The following NRXN3 variants were observed in gnomAD, a reference collection of about 807,000 sequenced individuals.
NRXN3 encodes neurexin III.
Under a neutral mutation model 137.6 loss-of-function variants are expected in NRXN3, and 32 were observed. The ratio of observed to expected loss-of-function variants is 0.23; its 90% confidence interval spans 0.18 to 0.31. NRXN3 has a LOEUF of 0.31. Ranked by LOEUF, NRXN3 falls within the 10% of genes least tolerant of loss-of-function variation. NRXN3 has a pLI of 1.00. For synonymous variants in NRXN3, 798 were observed against 784.5 expected, an observed-to-expected ratio of 1.02 and a Z score of -0.29; for missense variants, 1,574 against 2,062.5, an observed-to-expected ratio of 0.76 and a Z score of 4.59.
At chr14:79,231,405 C>T (rs2153276317) in intron 15 of NRXN3, among the ~76,000 whole-genome samples, 1 of 152,300 alleles carries the variant, frequency 6.6e-6, no homozygotes, top group South Asian at 2.1e-4. Context: ...ATGAGTGGCA[C>T]AGATGAGCAA....
intron 10 of NRXN3, among the ~76,000 whole-genome samples, chr14:78,932,072 G>A (rs1317651749): frequency 1.3e-5 from 2 of 152,110 alleles, no homozygotes; most frequent in Non-Finnish European, 2.9e-5. Context: ...CCCGGGAGAT[G>A]GAGGTTGCAG....
rs869216055 is a variant in NRXN3 at position 79,740,712 on chromosome 14, TTATATATATATATATATATATATA to T, written c.4014+42808_4014+42831del. On this transcript the variant is annotated intron_variant, in intron 19 of 20. Transcript: ENST00000335750. ...TCCACTGGACTTTGCATTTAGTTTT[TTATATATATATATATATATATATA>T]TATATATATATATATATATATATAT... Among the ~76,000 whole-genome samples the T allele has an allele frequency of 2.2e-3, 35 of 16,150 alleles. 1 individual carries two copies. The East Asian group carries it at 0.025, about 12-fold the overall frequency. 10.6% of individuals were successfully genotyped at this position (16,150 alleles called of 152,430 possible).
rs1281687086 is a variant in NRXN3 at position 79,867,766 on chromosome 14, G to A, written c.*5802G>A. 2 of 152,160 alleles carry A rather than the reference G, an allele frequency of 1.3e-5. No homozygotes were observed. Among genetic ancestry groups the A allele is most frequent in the African/African-American group, 4.8e-5 (2 of 41,404 alleles). The allele number at this position is 152,160 out of a possible 1,614,324, so 9.4% of individuals were successfully genotyped here. A position where few individuals can be genotyped will look rare whatever the true frequency, so the allele number is the denominator to read the frequency against. On this transcript the variant is annotated 3_prime_UTR_variant, in exon 21 of 21. Transcript: ENST00000335750. ...TTTTTGAAGTGGTTACATGGCCCAA[G>A]TAGAAGAGCAAATAATTCCAAGAGA...
At chr14:79,768,499 C>A (rs1309219250) in intron 19 of NRXN3, among the ~76,000 whole-genome samples, 1 of 152,168 alleles carries the variant, frequency 6.6e-6, no homozygotes, top group African/African-American at 2.4e-5. Flanking sequence ...GGAGGCACCC[C>A]CCAGCAGGGG....
At chr14:79,143,554 A>G (rs2059015215) in intron 15 of NRXN3, among the ~76,000 whole-genome samples, 1 of 152,238 alleles carries the variant, frequency 6.6e-6, no homozygotes, top group Non-Finnish European at 1.5e-5. Context: ...TTGATTGAAA[A>G]GAAAACACCA....
chr14:78,176,598 A>G (rs1350373957), intron 1 of NRXN3, among the ~76,000 whole-genome samples: 1 of 152,144 alleles, frequency 6.6e-6, no homozygotes, highest in African/African-American at 2.4e-5. Flanking sequence ...CTGTCATCTT[A>G]TTCAGTGCCC....
At chr14:79,098,506 G>A (rs2050733016) in intron 15 of NRXN3, among the ~76,000 whole-genome samples, 1 of 152,164 alleles carries the variant, frequency 6.6e-6, no homozygotes, top group African/African-American at 2.4e-5. Flanking sequence ...CGGGTTTGCT[G>A]TGTGCTTTCC....
At position 79,805,242 on chromosome 14, in the gene NRXN3, AC is replaced by A. The variant is rs754762984; in HGVS notation, c.4093+53del. ...TGCTTTCTTTTTTCTTTTGCAAAAA[AC>A]AATACATACATATATGTGATTATAC... On this transcript the variant is annotated intron_variant, in intron 20 of 20. Coordinates refer to ENST00000335750, the MANE Select transcript of NRXN3 (RefSeq NM_001330195.2). The A allele has an allele frequency of 4.7e-6, 6 of 1,264,152 alleles. No homozygotes were observed. In the South Asian group the frequency reaches 6.0e-5, roughly 13 times the overall value. The allele number at this position is 1,264,152 out of a possible 1,614,324, so 78.3% of individuals were successfully genotyped here.
At chr14:79,588,234 T>G (rs547358547) in intron 16 of NRXN3, among the ~76,000 whole-genome samples, 1 of 152,230 alleles carries the variant, frequency 6.6e-6, no homozygotes, top group Non-Finnish European at 1.5e-5. Context: ...TGAACTGTTA[T>G]ATAACCTGTG....
At chr14:78,488,617 A>G (rs1026538347) in intron 4 of NRXN3, among the ~76,000 whole-genome samples, 2 of 152,130 alleles carry the variant, frequency 1.3e-5, no homozygotes, top group Non-Finnish European at 2.9e-5. Flanking sequence ...AGTTGGGAGT[A>G]GGATGAGAAA....
intron 15 of NRXN3, among the ~76,000 whole-genome samples, chr14:79,363,742 A>G (rs2153422466): frequency 6.6e-6 from 1 of 152,368 alleles, no homozygotes; most frequent in Middle Eastern, 3.4e-3. Flanking sequence ...TTTTCATTCC[A>G]GCTCCTGCAT....
intron 19 of NRXN3, among the ~76,000 whole-genome samples, chr14:79,725,397 A>AACTT (rs2098878720): frequency 6.6e-6 from 1 of 152,102 alleles, no homozygotes; most frequent in East Asian, 1.9e-4. Context: ...AGTTTAAGAA[A>AACTT]ACTTACCATC....
chr14:78,854,989 C>T (rs1179137769), intron 10 of NRXN3, among the ~76,000 whole-genome samples: 7 of 151,906 alleles, frequency 4.6e-5, no homozygotes, highest in Admixed American at 1.3e-4. Context: ...CATGGTGAAA[C>T]CCCGTCTCTA....
Position 78,804,779 on chromosome 14 carries a change from C to CA in NRXN3, c.2248+959dup, listed in dbSNP as rs553851636. ...CTCTTGGTTTTTGGCAAGGAAAAAACAAACAAACACTCCATTTCTGCTGTT... is the reference window on the plus strand; with the variant it reads ...CTCTTGGTTTTTGGCAAGGAAAAAACAAAACAAACACTCCATTTCTGCTGTT... On this transcript the variant is annotated intron_variant, in intron 9 of 20. Transcript: ENST00000335750. 2.3e-3 allele frequency among the ~76,000 whole-genome samples: 352 copies of CA among 152,166 alleles called. 2 individuals are homozygous for CA. Among genetic ancestry groups the CA allele is most frequent in the African/African-American group, 8.2e-3 (341 of 41,532 alleles).
chr14:78,776,772 C>T (rs539263504), intron 8 of NRXN3, among the ~76,000 whole-genome samples: 15 of 152,260 alleles, frequency 9.9e-5, no homozygotes, highest in East Asian at 3.9e-4. Flanking sequence ...CATTAAACTT[C>T]GGAACTGAAA....
At chr14:78,748,840 T>C (rs780082435) in intron 8 of NRXN3, among the ~76,000 whole-genome samples, 8 of 152,112 alleles carry the variant, frequency 5.3e-5, no homozygotes, top group Non-Finnish European at 1.2e-4. Flanking sequence ...ACCATAACTA[T>C]TAATTAGCAG....
chr14:79,596,146 A>G (rs2097856679), intron 16 of NRXN3, among the ~76,000 whole-genome samples: 1 of 151,526 alleles, frequency 6.6e-6, no homozygotes. Flanking sequence ...CAATGGGTTT[A>G]AAGGTTTTTC....
At position 78,711,693 on chromosome 14, in the gene NRXN3, G is replaced by A. The variant is rs1463153040; in HGVS notation, c.1660+2038G>A. On this transcript the variant is annotated intron_variant, in intron 7 of 20. Transcript: ENST00000335750. ...TGACCTCAGATGATCAACCCATCTCGGCCTCCCAAAGTGCTGGGATTACAG... is the reference window on the plus strand; with the variant it reads ...TGACCTCAGATGATCAACCCATCTCAGCCTCCCAAAGTGCTGGGATTACAG... 3.3e-5 allele frequency among the ~76,000 whole-genome samples: 5 copies of A among 152,070 alleles called. No individual in the cohort carries two copies. The South Asian group carries it at 6.2e-4, about 19-fold the overall frequency.
At chr14:79,418,323 G>A (rs888412568) in intron 15 of NRXN3, among the ~76,000 whole-genome samples, 6 of 152,096 alleles carry the variant, frequency 3.9e-5, no homozygotes, top group African/African-American at 1.4e-4. Flanking sequence ...TTTCAGGTTA[G>A]GTATACAAGA....
Sources: gnomAD v4.1 joint callset for allele counts (sites outside exome capture counted in the v4.1 genomes callset) on GRCh38, gnomAD v4.1.1 for gene constraint, MANE v1.5 for transcripts, NCBI Gene and HGNC (gene_info 2026-07-23, HGNC 2026-07-21) for gene names.